The following ITGAL variants were observed in gnomAD, a reference collection of about 807,000 sequenced individuals.
ITGAL encodes the protein integrin alpha-L.
A neutral mutation model predicts 138.4 loss-of-function variants in ITGAL; 68 were observed. The ratio of observed to expected loss-of-function variants is 0.49; its 90% CI spans 0.40 to 0.60. ITGAL has a LOEUF of 0.60. Among genes scored for constraint, ITGAL ranks in the 20% least tolerant of loss-of-function variants. The pLI is 0.00. For synonymous variants in ITGAL, 561 were observed against 584.3 expected (o/e 0.96, Z 0.57); for missense variants, 1,256 against 1,478.6 (o/e 0.85, Z 2.47).
intron 7 of ITGAL, among the ~76,000 whole-genome samples, chr16:30,482,133 G>A (rs2151145989): frequency 6.6e-6 from 1 of 152,130 alleles, no homozygotes; most frequent in African/African-American, 2.4e-5. Flanking sequence ...GACCTCAGGT[G>A]ATCCACCTGC....
At chr16:30,519,363 A>G (rs534800962) in intron 29 of ITGAL, among the ~76,000 whole-genome samples, 15 of 152,082 alleles carry the variant, frequency 9.9e-5, no homozygotes, top group Non-Finnish European at 1.8e-4. Flanking sequence ...AGCCTGGGCA[A>G]CACAGTGAGA....
chr16:30,518,800 A>T, intron 29 of ITGAL, 81 bp downstream of exon 29: 1 of 1,040,078 alleles, frequency 9.6e-7, no homozygotes, highest in South Asian at 1.3e-5. Flanking sequence ...GATGTGGGAG[A>T]GCTCCTGGGC....
intron 1 of ITGAL, chr16:30,473,859 C>G: frequency 2.1e-6 from 1 of 481,228 alleles, no homozygotes; most frequent in Non-Finnish European, 4.1e-6. Flanking sequence ...CGGGGGCATC[C>G]CCATCTTGGC....
intron 11 of ITGAL, among the ~76,000 whole-genome samples, chr16:30,490,277 G>A (rs376513370): frequency 6.2e-5 from 9 of 145,210 alleles, no homozygotes; most frequent in South Asian, 2.2e-4. Context: ...AGCCAATTCC[G>A]AGCCCATATC....
At chr16:30,491,393 T>A (rs1216245345) in intron 11 of ITGAL, among the ~76,000 whole-genome samples, 1 of 151,574 alleles carries the variant, frequency 6.6e-6, no homozygotes, top group African/African-American at 2.4e-5. Flanking sequence ...AGAGCAAAAC[T>A]CTGTCTCAAA....
intron 9 of ITGAL, among the ~76,000 whole-genome samples, chr16:30,484,944 CA>C (rs570821214): frequency 4.7e-5 from 7 of 149,464 alleles, no homozygotes; most frequent in Admixed American, 4.0e-4. Context: ...AACAAAAAAA[CA>C]AAAAAAAACC....
At chr16:30,474,024 G>A (rs2050429996) in intron 1 of ITGAL, 172 bp from the exon 2 acceptor site, 1 of 697,198 alleles carries the variant, frequency 1.4e-6, no homozygotes, top group Non-Finnish European at 2.6e-6. Context: ...AGCTCTAGGG[G>A]GGCCGGGAGT....
At chr16:30,503,233 A>T (rs2050932372) in intron 17 of ITGAL, among the ~76,000 whole-genome samples, 1 of 152,090 alleles carries the variant, frequency 6.6e-6, no homozygotes, top group South Asian at 2.1e-4. Flanking sequence ...CCTCTATTTC[A>T]TTCAAACCTC....
At chr16:30,493,434 G>A (rs1459317034) in intron 11 of ITGAL, among the ~76,000 whole-genome samples, 5 of 151,562 alleles carry the variant, frequency 3.3e-5, no homozygotes, top group African/African-American at 1.2e-4. Flanking sequence ...CTACCACCAC[G>A]TCCAGCTAAT....
At chr16:30,474,370 C>T in intron 2 of ITGAL, 72 bp downstream of exon 2, 1 of 1,036,890 alleles carries the variant, frequency 9.6e-7, no homozygotes, top group Non-Finnish European at 1.5e-6. Flanking sequence ...GGCCGCCTCC[C>T]CGACCCTCGC....
chr16:30,484,223 T>C lies in ITGAL; in HGVS notation c.966T>C (p.Asp322=), dbSNP rs764052655. The change falls in exon 9 of 31, where the codon GAT becomes GAC. Residue 322 remains aspartate, a synonymous_variant. Coordinates refer to ENST00000356798, the MANE Select transcript of ITGAL (RefSeq NM_002209.3). ...TGGACACATTTGAGAAGCTGAAAGATCTATTCACTGAGCTGCAGAAGAAGA... is the reference window on the plus strand; with the variant it reads ...TGGACACATTTGAGAAGCTGAAAGACCTATTCACTGAGCTGCAGAAGAAGA... The part of the protein sequence containing the change: ...KILDTFEKLK[D]LFTELQKKIY... 8.7e-6 allele frequency: 14 copies of C among 1,614,108 alleles called. No individual in the cohort carries two copies. Among genetic ancestry groups the C allele is most frequent in the Non-Finnish European group, 1.2e-5 (14 of 1,180,030 alleles).
chr16:30,499,617 T>A, intron 17 of ITGAL, 128 bp downstream of exon 17: 1 of 739,388 alleles, frequency 1.4e-6, no homozygotes, highest in Non-Finnish European at 2.2e-6. Context: ...TGTGCAATGG[T>A]AGTAATAACA....
In ITGAL at chr16:30,506,706, C is replaced by T. The variant is rs1240853432; in HGVS notation, c.2367-9C>T. 1 of 1,611,124 alleles carries T rather than the reference C, an allele frequency of 6.2e-7. No individual in the cohort carries two copies. Among genetic ancestry groups the T allele is most frequent in the African/African-American group, 1.3e-5 (1 of 74,796 alleles). ...CCCTCCTCCATCTTTCCCTGATCATCCCCCACAGATCCAGAGCCCTGCGTC... is the reference window on the plus strand; with the variant it reads ...CCCTCCTCCATCTTTCCCTGATCATTCCCCACAGATCCAGAGCCCTGCGTC... On this transcript the variant is annotated splice_polypyrimidine_tract_variant and intron_variant, in intron 20 of 30. Transcript: ENST00000356798.
chr16:30,521,631 AG>A lies in ITGAL; in HGVS notation c.3480del (p.Lys1161ArgfsTer84). The part of the protein sequence containing the change: ...GDPGCLKPLH[E>X]KDSESGGGKD ...CCCGGCTGCCTGAAGCCCCTCCATGAGAAGGACTCTGAGAGTGGTGGTGGCA... is the reference window on the plus strand; with the variant it reads ...CCCGGCTGCCTGAAGCCCCTCCATGAAAGGACTCTGAGAGTGGTGGTGGCA... On this transcript the variant is annotated frameshift_variant, in exon 31 of 31. Coordinates refer to ENST00000356798, the MANE Select transcript of ITGAL (RefSeq NM_002209.3). LOFTEE classifies it low-confidence loss of function (END_TRUNC). The A allele has an allele frequency of 6.2e-7, 1 of 1,614,128 alleles. No individual in the cohort carries two copies.
At chr16:30,481,263 T>G (rs2050555585) in intron 6 of ITGAL, 176 bp from the exon 7 acceptor site, 1 of 554,860 alleles carries the variant, frequency 1.8e-6, no homozygotes. Flanking sequence ...TGAAAATCGC[T>G]GGAACCCGGG....
intron 21 of ITGAL, among the ~76,000 whole-genome samples, chr16:30,508,666 C>T (rs1376787606): frequency 6.6e-6 from 1 of 152,082 alleles, no homozygotes; most frequent in East Asian, 1.9e-4. Context: ...TGCACTCTAG[C>T]CTGGGCAACA....
At position 30,494,187 on chromosome 16, in the gene ITGAL, T is replaced by G. The variant is rs2050765168; in HGVS notation, c.1214-25T>G. 1.3e-6 allele frequency: 2 copies of G among 1,565,080 alleles called. No homozygotes were observed. Among genetic ancestry groups the G allele is most frequent in the Non-Finnish European group, 1.7e-6 (2 of 1,146,640 alleles). Reference sequence around the variant, plus strand: ...TCTTCCAGCATCCTGTGTTCCTAACTCCACACCCCACACACTTTCCTCAGG... The same window carrying G: ...TCTTCCAGCATCCTGTGTTCCTAACGCCACACCCCACACACTTTCCTCAGG... On this transcript the variant is annotated intron_variant, in intron 11 of 30. Coordinates refer to ENST00000356798, the MANE Select transcript of ITGAL (RefSeq NM_002209.3). The surrounding 1 kb of genome is among the most constrained non-coding windows in gnomAD (Gnocchi z 4.2).
At chr16:30,521,016 G>A (rs141695488) in intron 30 of ITGAL, among the ~76,000 whole-genome samples, 3,230 of 151,666 alleles carry the variant, frequency 0.021, 47 homozygotes, top group Middle Eastern at 0.038. Context: ...CCTGGGAGGC[G>A]GAGCTTGCGG....
At position 30,517,508 on chromosome 16, in the gene ITGAL, G is replaced by T. The variant is rs2051185012; in HGVS notation, c.2977-141G>T. 5.7e-6 allele frequency: 4 copies of T among 705,526 alleles called. No individual in the cohort carries two copies. In the Admixed American group the frequency reaches 8.8e-5, roughly 16 times the overall value. 43.7% of individuals were successfully genotyped at this position (705,526 alleles called of 1,614,324 possible). On this transcript the variant is annotated intron_variant, in intron 26 of 30. Transcript: ENST00000356798. Reference sequence around the variant, plus strand: ...GCAAGGCTGGGTGTATGGAGAGTAAGGATGGATGAATTCAGGTCCTGCTGG... The same window carrying T: ...GCAAGGCTGGGTGTATGGAGAGTAATGATGGATGAATTCAGGTCCTGCTGG...
Sources: allele counts gnomAD v4.1 joint callset (sites outside exome capture counted in the v4.1 genomes callset), GRCh38; gene constraint gnomAD v4.1.1; non-coding constraint Gnocchi (gnomAD v3.1); transcripts MANE v1.5; gene names NCBI Gene and HGNC (gene_info 2026-07-23, HGNC 2026-07-21).